Variants in SLC25A17 observed in about 807,000 individuals in gnomAD.
SLC25A17 encodes the protein solute carrier family 25 member 17.
Under a neutral mutation model 38.5 loss-of-function variants are expected in SLC25A17, and 26 were observed. The ratio of observed to expected loss-of-function variants is 0.68; its 90% CI spans 0.50 to 0.94. The LOEUF (loss-of-function observed/expected upper bound fraction) is 0.94. Ranked by LOEUF, SLC25A17 falls within the 40% of genes least tolerant of loss-of-function variation. SLC25A17 has a pLI of 0.00. For missense variants in SLC25A17, 333 were observed against 372.7 expected, an observed-to-expected ratio of 0.89 and a Z score of 0.88; for synonymous variants, 139 against 136.2, an observed-to-expected ratio of 1.02 and a Z score of -0.14.
chr22:40,799,970 T>G (rs2057466898), intron 1 of SLC25A17, among the ~76,000 whole-genome samples: 1 of 152,214 alleles, frequency 6.6e-6, no homozygotes, highest in Admixed American at 6.5e-5. Flanking sequence ...TCATGAGCAC[T>G]CCCTGATAAC....
At chr22:40,771,893 A>C (rs557572166) in intron 8 of SLC25A17, among the ~76,000 whole-genome samples, 2 of 152,316 alleles carry the variant, frequency 1.3e-5, no homozygotes, top group East Asian at 3.9e-4. Context: ...TAAATGTTTG[A>C]GAGGATAGAT....
At chr22:40,814,880 C>T (rs923173364) in intron 1 of SLC25A17, among the ~76,000 whole-genome samples, 3 of 151,196 alleles carry the variant, frequency 2.0e-5, no homozygotes, top group Non-Finnish European at 4.4e-5. Flanking sequence ...AGTGCAGTGG[C>T]GCAATCTTGG....
At position 40,770,081 on chromosome 22, in the gene SLC25A17, C is replaced by G. The variant is rs960748591; in HGVS notation, c.*753G>C. On this transcript the variant is annotated 3_prime_UTR_variant, in exon 9 of 9. Transcript: ENST00000435456. ...AATAAAGAGCAATTTTCAAGAATATCTTTTTTGTGCTGACCATTTATTGGG... is the reference window on the plus strand; with the variant it reads ...AATAAAGAGCAATTTTCAAGAATATGTTTTTTGTGCTGACCATTTATTGGG... 1 of 152,154 alleles carries G rather than the reference C, an allele frequency of 6.6e-6. No homozygotes were observed. Among genetic ancestry groups the G allele is most frequent in the Non-Finnish European group, 1.5e-5 (1 of 68,020 alleles). The allele number at this position is 152,154 out of a possible 1,614,324, so 9.4% of individuals were successfully genotyped here.
At chr22:40,814,495 C>T (rs550040774) in intron 1 of SLC25A17, among the ~76,000 whole-genome samples, 1 of 151,944 alleles carries the variant, frequency 6.6e-6, no homozygotes, top group South Asian at 2.1e-4. Flanking sequence ...ATATGATTTA[C>T]AATATTGACT....
At chr22:40,795,076 T>C (rs931032669) in intron 2 of SLC25A17, among the ~76,000 whole-genome samples, 4 of 151,336 alleles carry the variant, frequency 2.6e-5, no homozygotes, top group African/African-American at 9.7e-5. Flanking sequence ...ACTAAATCCT[T>C]TGAGGATTAT....
chr22:40,779,285 C>T, intron 4 of SLC25A17, 160 bp from the exon 5 acceptor site: 1 of 1,489,384 alleles, frequency 6.7e-7, no homozygotes, highest in Non-Finnish European at 8.9e-7. Flanking sequence ...ACAACACAAG[C>T]CACTACTGTT....
chr22:40,776,443 T>C (rs183412398), intron 7 of SLC25A17: 35 of 308,052 alleles, frequency 1.1e-4, no homozygotes, highest in African/African-American at 7.2e-4. Context: ...ACCAATCAAC[T>C]TGAATGAGAA....
chr22:40,777,041 C>G lies in SLC25A17; in HGVS notation c.692G>C (p.Arg231Thr). 6.2e-7 allele frequency: 1 copy of G among 1,613,808 alleles called. No individual in the cohort carries two copies. Among genetic ancestry groups the G allele is most frequent in the Non-Finnish European group, 8.5e-7 (1 of 1,179,762 alleles). The change falls in exon 7 of 9, where the codon AGG (arginine) becomes ACG (threonine). Residue 231 changes from arginine (R) to threonine (T), a missense_variant and splice_region_variant. Physicochemically the swap from Arg to Thr is moderately conservative, Grantham distance 71. Transcript: ENST00000435456. The stretch of plus-strand genomic sequence containing the variant: ...TGCGAAGAGAACTCCAGCACTCACC[C>G]TCAGAATTGACTGTACCGTCTGCAG... ...YPLQTVQSIL[R>T]FGRHRLNPEN... is the part of the protein sequence containing the mutation.
chr22:40,806,307 G>GTC (rs1444704921), intron 1 of SLC25A17, among the ~76,000 whole-genome samples: 5 of 152,176 alleles, frequency 3.3e-5, no homozygotes, highest in Non-Finnish European at 7.3e-5. Context: ...GTTAGAAAAC[G>GTC]TAAGTGTAAA....
intron 4 of SLC25A17, among the ~76,000 whole-genome samples, chr22:40,784,035 T>C (rs926649850): frequency 6.6e-6 from 1 of 152,140 alleles, no homozygotes; most frequent in African/African-American, 2.4e-5. Flanking sequence ...CTCAGTACTC[T>C]CTATCCCTTC....
At chr22:40,783,742 A>G (rs537063044) in intron 4 of SLC25A17, among the ~76,000 whole-genome samples, 5 of 151,290 alleles carry the variant, frequency 3.3e-5, no homozygotes, top group African/African-American at 4.9e-5. Context: ...GTCTCGCTCT[A>G]TCTCCCAGGC....
At chr22:40,798,484 G>A (rs568925333) in intron 2 of SLC25A17, among the ~76,000 whole-genome samples, 3 of 152,128 alleles carry the variant, frequency 2.0e-5, no homozygotes, top group South Asian at 4.1e-4. Context: ...GGCCTCTAGA[G>A]TGGGAAAGGG....
rs2057251125 is a variant in SLC25A17 at position 40,777,105 on chromosome 22, C to T, written c.628G>A (p.Ala210Thr). 1.2e-6 allele frequency: 2 copies of T among 1,614,020 alleles called. No individual in the cohort carries two copies. Residue 210 changes from alanine (A) to threonine (T), a missense_variant, in exon 7 of 9, where the codon GCA (alanine) becomes ACA (threonine). By Grantham distance (58) the Ala-to-Thr change is moderately conservative (BLOSUM62 0). Coordinates refer to ENST00000435456, the MANE Select transcript of SLC25A17 (RefSeq NM_006358.4). ...LSSLDVFIIG[A>T]VAKAIATTVT... ...GTGGTGGCAATCGCTTTGGCTACTG[C>T]ACCAATGATGAACACATCCAAGGAA...
At chr22:40,808,596 G>T (rs190273095) in intron 1 of SLC25A17, among the ~76,000 whole-genome samples, 1 of 152,360 alleles carries the variant, frequency 6.6e-6, no homozygotes, top group Admixed American at 6.5e-5. Flanking sequence ...TATATGGGAA[G>T]GGAGGGAATT....
At chr22:40,800,964 C>A (rs2145689097) in intron 1 of SLC25A17, among the ~76,000 whole-genome samples, 1 of 150,748 alleles carries the variant, frequency 6.6e-6, no homozygotes, top group South Asian at 2.1e-4. Flanking sequence ...ATTAGCTGGG[C>A]CTGGTGGCAC....
At chr22:40,813,374 C>T (rs530745008) in intron 1 of SLC25A17, among the ~76,000 whole-genome samples, 1 of 152,108 alleles carries the variant, frequency 6.6e-6, no homozygotes, top group South Asian at 2.1e-4. Context: ...CTCATCTCTA[C>T]TAAAAATACA....
rs997976498 is a variant in SLC25A17, at chr22:40,792,970, T to C, written c.183-294A>G. On this transcript the variant is annotated intron_variant, in intron 3 of 8. Coordinates refer to ENST00000435456, the MANE Select transcript of SLC25A17 (RefSeq NM_006358.4). ...TATAAAATTAGAGACAACTTCCTCA[T>C]GGCTGTTAGTTAATAGAGTACCATT... is the stretch of plus-strand genomic sequence containing the variant. Among the ~76,000 whole-genome samples the C allele has an allele frequency of 2.0e-5, 3 of 152,112 alleles. No individual in the cohort carries two copies. In the South Asian group the frequency reaches 6.2e-4, roughly 32 times the overall value.
At chr22:40,787,532 C>T (rs1252596360) in intron 4 of SLC25A17, among the ~76,000 whole-genome samples, 1 of 152,114 alleles carries the variant, frequency 6.6e-6, no homozygotes, top group African/African-American at 2.4e-5. Context: ...TGTATCACAG[C>T]AGATAAGATA....
intron 1 of SLC25A17, among the ~76,000 whole-genome samples, chr22:40,810,248 T>C (rs2057567677): frequency 6.6e-6 from 1 of 152,196 alleles, no homozygotes; most frequent in Non-Finnish European, 1.5e-5. Flanking sequence ...ATTAATTGCA[T>C]CTTCAGCTGT....
Sources: allele counts gnomAD v4.1 joint callset (sites outside exome capture counted in the v4.1 genomes callset), GRCh38; gene constraint gnomAD v4.1.1; transcripts MANE v1.5; gene names NCBI Gene and HGNC (gene_info 2026-07-23, HGNC 2026-07-21).